GEMIN8: variants seen among roughly 807,000 people sequenced by gnomAD.
GEMIN8 encodes gem-associated protein 8.
For synonymous variants in GEMIN8, 80 were observed against 78.5 expected, an observed-to-expected ratio of 1.02 and a Z score of -0.10; for missense variants, 185 against 205.9, an observed-to-expected ratio of 0.90 and a Z score of 0.62.
the GEMIN8 span, among the ~76,000 whole-genome samples, chrX:13,997,221 T>C: frequency 5.4e-5 from 6 of 111,376 alleles, no homozygotes; most frequent in Non-Finnish European, 1.1e-4. Context: ...ATTACAGACA[T>C]GAGCCACCGT....
intron 1 of GEMIN8, among the ~76,000 whole-genome samples, chrX:14,028,125 A>T (rs758792702): frequency 2.7e-5 from 3 of 112,236 alleles, no homozygotes; most frequent in Non-Finnish European, 5.6e-5. Context: ...TCTTTTCTGA[A>T]TTTATAGGCA....
chrX:13,991,031 C>T, the GEMIN8 span, among the ~76,000 whole-genome samples: 6 of 112,875 alleles, frequency 5.3e-5, no homozygotes, highest in African/African-American at 1.9e-4. Context: ...TGCGCCTGGC[C>T]TGCACTTTGC....
At chrX:14,026,083 C>T (rs1924677304) in intron 2 of GEMIN8, 57 bp downstream of exon 2, 23 of 748,238 alleles carry the variant, frequency 3.1e-5, no homozygotes, top group Non-Finnish European at 3.6e-5. Context: ...ATGGTTGCTG[C>T]AGATTTAGAT....
chrX:14,021,458 T>C lies in GEMIN8; in HGVS notation c.15+6A>G, dbSNP rs753125881. The C allele has an allele frequency of 3.7e-6, 4 of 1,069,930 alleles. No individual in the cohort carries two copies. The South Asian group carries it at 7.6e-5, about 20-fold the overall frequency. The allele number at this position is 1,069,930 out of a possible 1,213,427, so 88.2% of individuals were successfully genotyped here. ...CAAAAAAAAAATAAAAAAATAAAAA[T>C]CTTACCTTTACCGCTGCCATCTCTG... is the stretch of plus-strand genomic sequence containing the variant. On this transcript the variant is annotated splice_donor_region_variant and intron_variant, in intron 3 of 4. Coordinates refer to ENST00000680255, the MANE Select transcript of GEMIN8 (RefSeq NM_001042479.2).
chrX:14,028,105 T>C (rs750695355), intron 1 of GEMIN8, among the ~76,000 whole-genome samples: 41 of 112,475 alleles, frequency 3.6e-4, no homozygotes, highest in Non-Finnish European at 7.3e-4. Flanking sequence ...GGTAATTCCA[T>C]GTTAATCTCT....
chrX:14,021,372 G>A, intron 3 of GEMIN8, 92 bp downstream of exon 3: 1 of 528,588 alleles, frequency 1.9e-6, no homozygotes, highest in Non-Finnish European at 3.2e-6. Flanking sequence ...TTGTGCGCAT[G>A]TACCCTAAAA....
At chrX:14,011,516 CTTTTTTT>C (rs575651297) in intron 4 of GEMIN8, among the ~76,000 whole-genome samples, 64 of 60,380 alleles carry the variant, frequency 1.1e-3, no homozygotes, top group Admixed American at 4.2e-3. Flanking sequence ...CTATGGCTCT[CTTTTTTT>C]TTTTTTTTTT....
intron 4 of GEMIN8, among the ~76,000 whole-genome samples, chrX:14,019,253 A>G (rs1003829): frequency 0.3 from 32,877 of 111,270 alleles, 3,586 homozygotes; most frequent in African/African-American, 0.33. Context: ...ATAATAGGGA[A>G]AGAAGCATTT....
chrX:14,027,086 T>A (rs1924735175), intron 1 of GEMIN8: 1 of 112,868 alleles, frequency 8.9e-6, no homozygotes, highest in Non-Finnish European at 1.9e-5. Context: ...ATAGATTGAG[T>A]CATATGCGGT....
At chrX:14,023,740 C>T (rs1351006360) in intron 2 of GEMIN8, among the ~76,000 whole-genome samples, 1 of 112,364 alleles carries the variant, frequency 8.9e-6, no homozygotes, top group Non-Finnish European at 1.9e-5. Context: ...CACATAATGA[C>T]ATTAACGCAA....
chrX:13,985,334 T>A, the GEMIN8 span, among the ~76,000 whole-genome samples: 2 of 111,997 alleles, frequency 1.8e-5, no homozygotes, highest in African/African-American at 6.5e-5. Flanking sequence ...GAAGTCCATT[T>A]GGAGCTGGAT....
At position 14,009,292 on chromosome X, in the gene GEMIN8, C is replaced by T. The variant is rs954408604; in HGVS notation, c.473-123G>A. The T allele has an allele frequency of 1.0e-5, 7 of 668,668 alleles. No individual in the cohort carries two copies. The Admixed American group carries it at 2.1e-4, about 20-fold the overall frequency. 55.1% of individuals were successfully genotyped at this position (668,668 alleles called of 1,213,427 possible). On this transcript the variant is annotated intron_variant, in intron 4 of 4. Transcript: ENST00000680255. The stretch of plus-strand genomic sequence containing the variant: ...CAGCCCCCTAAGGTCCCTCATCTTT[C>T]CCTTTCCAACTGTGAAACCAGGCCC...
chrX:13,997,199 C>CA, the GEMIN8 span, among the ~76,000 whole-genome samples: 1 of 111,133 alleles, frequency 9.0e-6, no homozygotes, highest in African/African-American at 3.3e-5. Context: ...CTTGGCCTCC[C>CA]AAAGTGCTGG....
Position 14,026,147 on chromosome X carries a change from G to C in GEMIN8, c.-41C>G. 1 of 750,422 alleles carries C rather than the reference G, an allele frequency of 1.3e-6. No homozygotes were observed. The highest frequency in any genetic ancestry group is 1.6e-6 in the Non-Finnish European group (1 of 635,537). The allele number at this position is 750,422 out of a possible 1,213,427, so 61.8% of individuals were successfully genotyped here. On this transcript the variant is annotated 5_prime_UTR_variant, in exon 2 of 5. Transcript: ENST00000680255. The stretch of plus-strand genomic sequence containing the variant: ...CGATCTTTCATTCCTCACCTCCCTG[G>C]GAATGTCTCCCACTCTTTTATGGCA...
Position 14,020,532 on chromosome X carries a change from T to C in GEMIN8, c.18A>G (p.Ala6=). 8.6e-7 allele frequency: 1 copy of C among 1,156,375 alleles called. No homozygotes were observed. Among genetic ancestry groups the C allele is most frequent in the Non-Finnish European group, 1.2e-6 (1 of 846,464 alleles). Residue 6 remains alanine, a splice_region_variant and synonymous_variant, in exon 4 of 5, where the codon GCA becomes GCG. Transcript: ENST00000680255. MAAVK[A]STSKATRPWY... The stretch of plus-strand genomic sequence containing the variant: ...AAGGCCTGGTAGCTTTCGATGTTGA[T>C]GCCTACAAAATGAAAGGAGGTGGAG...
chrX:13,984,327 T>C, the GEMIN8 span, among the ~76,000 whole-genome samples: 1 of 112,547 alleles, frequency 8.9e-6, no homozygotes, highest in African/African-American at 3.2e-5. Flanking sequence ...AAGTTTGTGA[T>C]AATTTGTTAC....
the GEMIN8 span, among the ~76,000 whole-genome samples, chrX:13,994,803 G>A: frequency 8.9e-6 from 1 of 112,329 alleles, no homozygotes; most frequent in Non-Finnish European, 1.9e-5. Context: ...ACTGTTCTTT[G>A]ACCAGAAAAT....
Position 14,024,574 on chromosome X carries a change from C to A in GEMIN8, c.-34+1566G>T, listed in dbSNP as rs767088281. Among the ~76,000 whole-genome samples the A allele has an allele frequency of 1.5e-4, 17 of 110,735 alleles. No individual in the cohort carries two copies. The East Asian group carries it at 3.7e-3, about 24-fold the overall frequency. On this transcript the variant is annotated intron_variant, in intron 2 of 4. Coordinates refer to ENST00000680255, the MANE Select transcript of GEMIN8 (RefSeq NM_001042479.2). Reference sequence around the variant, plus strand: ...TTGAGGAGAGGTAACTTTGATCCAACAAATCATCTGGTAGAAGGGCTGCTA... The same window carrying A: ...TTGAGGAGAGGTAACTTTGATCCAAAAAATCATCTGGTAGAAGGGCTGCTA...
the GEMIN8 span, among the ~76,000 whole-genome samples, chrX:13,989,413 T>A: frequency 8.9e-6 from 1 of 112,087 alleles, no homozygotes; most frequent in Non-Finnish European, 1.9e-5. Context: ...AAGACCATGT[T>A]TTTGACTTGT....
Sources: allele counts gnomAD v4.1 joint callset (sites outside exome capture counted in the v4.1 genomes callset), GRCh38; gene constraint gnomAD v4.1.1; transcripts MANE v1.5; gene names NCBI Gene and HGNC (gene_info 2026-07-23, HGNC 2026-07-21).